SHISA9: variants seen among roughly 807,000 people sequenced by gnomAD.
SHISA9 encodes the protein shisa family member 9.
A neutral mutation model predicts 38.0 loss-of-function variants in SHISA9; 13 were observed. The observed-to-expected ratio is 0.34, with a 90% CI of 0.22 to 0.54. The LOEUF is 0.54. Ranked by LOEUF, SHISA9 falls within the 20% of genes least tolerant of loss-of-function variation. The pLI is 0.91. For missense variants in SHISA9, 538 were observed against 575.8 expected (o/e 0.93, Z 0.67); for synonymous variants, 275 against 242.0 (o/e 1.14, Z -1.27).
At chr16:13,043,415 G>A (rs1014623013) in intron 2 of SHISA9, among the ~76,000 whole-genome samples, 2 of 152,206 alleles carry the variant, frequency 1.3e-5, no homozygotes, top group African/African-American at 4.8e-5. Flanking sequence ...CCCACCACGG[G>A]AGGGTATTTG....
chr16:13,014,531 A>G (rs538589202), intron 2 of SHISA9, among the ~76,000 whole-genome samples: 3 of 152,310 alleles, frequency 2.0e-5, no homozygotes, highest in South Asian at 4.1e-4. Context: ...GATTGCTTCA[A>G]CAGGAGGCCT....
At chr16:13,301,167 AG>A in the SHISA9 span, among the ~76,000 whole-genome samples, 1 of 152,098 alleles carries the variant, frequency 6.6e-6, no homozygotes, top group Non-Finnish European at 1.5e-5. Context: ...ATCTCACCAG[AG>A]CCTGGATGAC....
the SHISA9 span, among the ~76,000 whole-genome samples, chr16:13,372,942 T>C: frequency 2.0e-5 from 3 of 152,042 alleles, no homozygotes; most frequent in African/African-American, 7.2e-5. Flanking sequence ...ATGTACCTCA[T>C]AAATATTTAA....
chr16:13,432,877 A>G, the SHISA9 span, among the ~76,000 whole-genome samples: 5 of 152,168 alleles, frequency 3.3e-5, no homozygotes, highest in Admixed American at 1.3e-4. Flanking sequence ...GAACACATGG[A>G]CACACTGAAG....
chr16:13,531,005 TAAAGCCAA>T, the SHISA9 span, among the ~76,000 whole-genome samples: 1 of 152,214 alleles, frequency 6.6e-6, no homozygotes, highest in Middle Eastern at 3.4e-3. Flanking sequence ...AGCCTAGGGG[TAAAGCCAA>T]CAGTGAGTAA....
the SHISA9 span, among the ~76,000 whole-genome samples, chr16:13,401,353 C>G: frequency 1.3e-5 from 2 of 152,194 alleles, no homozygotes; most frequent in African/African-American, 4.8e-5. Flanking sequence ...GCCAGTCTGA[C>G]TCCAGAGCCA....
intron 2 of SHISA9, among the ~76,000 whole-genome samples, chr16:12,937,849 G>A (rs762983807): frequency 6.6e-6 from 1 of 151,950 alleles, no homozygotes; most frequent in Non-Finnish European, 1.5e-5. Flanking sequence ...GTCCATAACA[G>A]TGGATACTGG....
At chr16:12,996,538 C>T (rs1051717876) in intron 2 of SHISA9, among the ~76,000 whole-genome samples, 1 of 152,206 alleles carries the variant, frequency 6.6e-6, no homozygotes, top group African/African-American at 2.4e-5. Context: ...AGGGTGACTA[C>T]ATTGCACATC....
chr16:12,970,440 CACACATATATATAT>C (rs2095771474), intron 2 of SHISA9, among the ~76,000 whole-genome samples: 1 of 35,000 alleles, frequency 2.9e-5, no homozygotes, highest in Non-Finnish European at 5.2e-5. Context: ...TATATATATA[CACACATATATATAT>C]ACATATATGT....
At chr16:13,115,725 A>C (rs1014584934) in intron 2 of SHISA9, among the ~76,000 whole-genome samples, 1 of 152,224 alleles carries the variant, frequency 6.6e-6, no homozygotes, top group Non-Finnish European at 1.5e-5. Flanking sequence ...ATGATGGCCT[A>C]GTCAGACTAA....
intron 2 of SHISA9, among the ~76,000 whole-genome samples, chr16:13,062,798 G>A (rs2073390825): frequency 6.6e-6 from 1 of 152,076 alleles, no homozygotes; most frequent in South Asian, 2.1e-4. Flanking sequence ...TAAAACTGTT[G>A]CATTTGAATA....
At chr16:13,352,188 T>C in the SHISA9 span, among the ~76,000 whole-genome samples, 1 of 152,196 alleles carries the variant, frequency 6.6e-6, no homozygotes, top group African/African-American at 2.4e-5. Flanking sequence ...TTTAAAAAAA[T>C]CATTCTGAGC....
At chr16:13,064,767 A>G (rs2073414261) in intron 2 of SHISA9, among the ~76,000 whole-genome samples, 1 of 151,118 alleles carries the variant, frequency 6.6e-6, no homozygotes, top group Non-Finnish European at 1.5e-5. Flanking sequence ...TTAAACAACG[A>G]AATAAAAGTT....
chr16:13,144,341 C>G (rs1443277911), intron 2 of SHISA9, among the ~76,000 whole-genome samples: 1 of 151,938 alleles, frequency 6.6e-6, no homozygotes, highest in African/African-American at 2.4e-5. Context: ...TTAGTAGAGA[C>G]AGGGTTTCAC....
At chr16:13,486,879 T>C in the SHISA9 span, among the ~76,000 whole-genome samples, 1 of 152,208 alleles carries the variant, frequency 6.6e-6, no homozygotes, top group East Asian at 1.9e-4. Context: ...TAATTTTGTA[T>C]TTTTAGTAGA....
chr16:12,928,462 G>C (rs528099706), intron 2 of SHISA9, among the ~76,000 whole-genome samples: 1 of 152,218 alleles, frequency 6.6e-6, no homozygotes, highest in Admixed American at 6.5e-5. Context: ...AACTTGTCTG[G>C]TTAATACTGT....
At chr16:13,303,013 C>G in the SHISA9 span, among the ~76,000 whole-genome samples, 1 of 152,172 alleles carries the variant, frequency 6.6e-6, no homozygotes, top group Non-Finnish European at 1.5e-5. Context: ...TAAACCTCTT[C>G]CTTTATAAAT....
At chr16:13,196,292 G>T (rs1179342581) in intron 2 of SHISA9, among the ~76,000 whole-genome samples, 7 of 149,778 alleles carry the variant, frequency 4.7e-5, no homozygotes, top group African/African-American at 1.7e-4. Context: ...AGCTACTCGG[G>T]AGGCTGAGGC....
At chr16:13,551,748 G>T in the SHISA9 span, among the ~76,000 whole-genome samples, 1 of 152,198 alleles carries the variant, frequency 6.6e-6, no homozygotes. Context: ...CAATTGGTAG[G>T]CCGGGAGCGG....
Sources: gnomAD v4.1 joint callset for allele counts (sites outside exome capture counted in the v4.1 genomes callset) on GRCh38, gnomAD v4.1.1 for gene constraint, MANE v1.5 for transcripts, NCBI Gene and HGNC (gene_info 2026-07-23, HGNC 2026-07-21) for gene names.